The following POC5 variants were observed in gnomAD, a reference collection of about 807,000 sequenced individuals.
POC5 encodes the protein POC5 centriolar protein.
Under a neutral mutation model 62.9 loss-of-function variants are expected in POC5, and 48 were observed. The observed-to-expected ratio is 0.76, with a 90% CI of 0.61 to 0.97. POC5 has a LOEUF of 0.97. POC5 is among the 50% of genes least tolerant of loss of function. POC5 has a pLI of 0.00. For missense variants in POC5, 696 were observed against 679.5 expected, an observed-to-expected ratio of 1.02 and a Z score of -0.27; for synonymous variants, 236 against 228.2, an observed-to-expected ratio of 1.03 and a Z score of -0.31.
Position 75,702,640 on chromosome 5 carries a change from C to T in POC5, c.478G>A (p.Glu160Lys). 1.2e-6 allele frequency: 2 copies of T among 1,613,312 alleles called. No individual in the cohort carries two copies. The highest frequency in any genetic ancestry group is 1.7e-6 in the Non-Finnish European group (2 of 1,179,680). Residue 160 changes from glutamate to lysine, a missense_variant, in exon 5 of 12, where the codon GAA becomes AAA. By Grantham distance (56) the Glu-to-Lys change is moderately conservative. Coordinates refer to ENST00000428202, the MANE Select transcript of POC5 (RefSeq NM_001099271.2). ...GAACTCCAAAGATCAAGCACATTTT[C>T]CATCTTCTGAAGGTTTTCATCAGAA... ...LVSDENLQKM[E>K]NVLDLWSSGL...
rs371890962 is a variant in POC5, at chr5:75,674,468, G to T, written c.1695C>A (p.Leu565=). ...CCACTTTTATGGAATGAACACTTGT[G>T]AGAGACTGGGTGTGAGCTGATCTGG... ...LGTRSAHTQS[L]TSVHSIKVVD The change falls in exon 12 of 12, where the codon CTC becomes CTA. Residue 565 remains leucine, a synonymous_variant. Transcript: ENST00000428202. 7 of 1,614,014 alleles carry T rather than the reference G, an allele frequency of 4.3e-6. No individual in the cohort carries two copies. The highest frequency in any genetic ancestry group is 5.9e-6 in the Non-Finnish European group (7 of 1,179,872).
chr5:75,695,614 A>G (rs999624727), intron 5 of POC5, among the ~76,000 whole-genome samples: 2 of 152,302 alleles, frequency 1.3e-5, no homozygotes, highest in African/African-American at 2.4e-5. Context: ...TTCTCAAATT[A>G]TATGTTTCAG....
At chr5:75,681,813 CAAGA>C (rs1350242392) in intron 10 of POC5, among the ~76,000 whole-genome samples, 2 of 151,978 alleles carry the variant, frequency 1.3e-5, no homozygotes, top group Non-Finnish European at 2.9e-5. Context: ...ATTAAAATGA[CAAGA>C]AAGATAACCA....
At chr5:75,705,362 C>T (rs558857789) in intron 4 of POC5, 12 of 165,862 alleles carry the variant, frequency 7.2e-5, no homozygotes, top group African/African-American at 2.8e-4. Context: ...TACACTGGTA[C>T]GCAAATGCCT....
At chr5:75,696,931 G>T (rs984361503) in intron 5 of POC5, among the ~76,000 whole-genome samples, 1 of 151,850 alleles carries the variant, frequency 6.6e-6, no homozygotes, top group Admixed American at 6.6e-5. Flanking sequence ...GAGCTGATGC[G>T]ATCAACTGGA....
chr5:75,684,998 G>C (rs988910472), intron 10 of POC5, among the ~76,000 whole-genome samples: 24 of 151,848 alleles, frequency 1.6e-4, no homozygotes, highest in Non-Finnish European at 2.9e-4. Context: ...CTCCTGAGTA[G>C]CTGGGACTAC....
chr5:75,685,049 A>T (rs1776041863), intron 10 of POC5, among the ~76,000 whole-genome samples, 158 bp downstream of exon 10: 2 of 151,892 alleles, frequency 1.3e-5, no homozygotes, highest in African/African-American at 4.8e-5. Context: ...TCGTATTTTT[A>T]GTAGAGACGG....
chr5:75,702,333 A>G (rs999318939), intron 5 of POC5, among the ~76,000 whole-genome samples: 4 of 152,080 alleles, frequency 2.6e-5, no homozygotes, highest in African/African-American at 9.7e-5. Flanking sequence ...GTAAAATCAA[A>G]CAAACAAACA....
At chr5:75,705,078 T>C (rs139628936) in intron 4 of POC5, among the ~76,000 whole-genome samples, 44 of 152,212 alleles carry the variant, frequency 2.9e-4, no homozygotes, top group Middle Eastern at 3.4e-3. Flanking sequence ...CATGTGCCTG[T>C]AGTCCCAGCT....
chr5:75,685,927 A>G (rs1776082007), intron 9 of POC5, among the ~76,000 whole-genome samples: 1 of 152,004 alleles, frequency 6.6e-6, no homozygotes, highest in Non-Finnish European at 1.5e-5. Flanking sequence ...TGATATCACT[A>G]TACTCCCTCA....
chr5:75,707,740 G>T lies in POC5; in HGVS notation c.220C>A (p.Gln74Lys). Reference sequence around the variant, plus strand: ...TATCTTGAAAAATATATATAACCTTGACTATGAAGAATATCATGAATTGTA... The same window carrying T: ...TATCTTGAAAAATATATATAACCTTTACTATGAAGAATATCATGAATTGTA... ...ISTIHDILHS[Q>K]GNNSEVRETA... The change falls in exon 3 of 12, where the codon CAA becomes AAA. Residue 74 changes from glutamine (Q) to lysine (K), a missense_variant. Transcript: ENST00000428202. The T allele has an allele frequency of 6.5e-7, 1 of 1,530,406 alleles. No homozygotes were observed. The highest frequency in any genetic ancestry group is 8.9e-7 in the Non-Finnish European group (1 of 1,128,084). The allele number at this position is 1,530,406 out of a possible 1,614,324, so 94.8% of individuals were successfully genotyped here. A position where few individuals can be genotyped will look rare whatever the true frequency, so the allele number is the denominator to read the frequency against.
chr5:75,688,996 T>G lies in POC5; in HGVS notation c.1129+16A>C. 6.5e-7 allele frequency: 1 copy of G among 1,528,558 alleles called. No homozygotes were observed. The allele number at this position is 1,528,558 out of a possible 1,614,324, so 94.7% of individuals were successfully genotyped here. A position where few individuals can be genotyped will look rare whatever the true frequency, so the allele number is the denominator to read the frequency against. ...TTTTTTGAAATTAGGCAGAGAAACT[T>G]TAATGAAATACTAACCTGCATCATT... On this transcript the variant is annotated intron_variant, in intron 9 of 11. Transcript: ENST00000428202.
intron 7 of POC5, 91 bp from the exon 8 acceptor site, chr5:75,690,653 A>C (rs992543192): frequency 9.7e-7 from 1 of 1,026,664 alleles, no homozygotes; most frequent in Non-Finnish European, 1.4e-6. Context: ...GTAAGTGTAC[A>C]TATACACATT....
At chr5:75,678,018 C>T (rs1775738420) in intron 10 of POC5, 68 bp from the exon 11 acceptor site, 1 of 1,276,324 alleles carries the variant, frequency 7.8e-7, no homozygotes, top group Non-Finnish European at 1.0e-6. Flanking sequence ...CTATTGATTC[C>T]ATAAATTATG....
intron 5 of POC5, among the ~76,000 whole-genome samples, chr5:75,695,656 A>AT (rs1197544483): frequency 6.6e-6 from 1 of 152,154 alleles, no homozygotes; most frequent in Non-Finnish European, 1.5e-5. Flanking sequence ...TTTTTTAATA[A>AT]TAGCAAAAAA....
chr5:75,689,153 A>G lies in POC5; in HGVS notation c.988T>C (p.Leu330=). 1 of 1,554,184 alleles carries G rather than the reference A, an allele frequency of 6.4e-7. No individual in the cohort carries two copies. The highest frequency in any genetic ancestry group is 8.7e-7 in the Non-Finnish European group (1 of 1,149,578). The change falls in exon 9 of 12, where the codon TTG becomes CTG. Residue 330 remains leucine (L), a synonymous_variant. Coordinates refer to ENST00000428202, the MANE Select transcript of POC5 (RefSeq NM_001099271.2). ...TGAATCTCAGCTTTTGCATTTTCCA[A>G]AGCTCCAGATAACTAAAATAAGAAT... ...EAKVAMLSGA[L]ENAKAEIQRM...
intron 5 of POC5, 82 bp from the exon 6 acceptor site, chr5:75,694,913 A>C: frequency 2.0e-6 from 2 of 1,019,802 alleles, no homozygotes; most frequent in Non-Finnish European, 2.8e-6. Flanking sequence ...AAGAAACATT[A>C]AAAAAATCAG....
intron 2 of POC5, 121 bp from the exon 3 acceptor site, chr5:75,707,996 A>G: frequency 1.1e-6 from 1 of 871,782 alleles, no homozygotes; most frequent in Admixed American, 3.1e-5. Context: ...TTATATTACA[A>G]AGTTTTACCA....
intron 2 of POC5, among the ~76,000 whole-genome samples, chr5:75,710,432 A>C (rs1243462022): frequency 1.3e-5 from 2 of 152,170 alleles, no homozygotes; most frequent in Admixed American, 1.3e-4. Flanking sequence ...TCAAGAAAGT[A>C]ATTAAGGTTA....
Sources: allele counts gnomAD v4.1 joint callset (sites outside exome capture counted in the v4.1 genomes callset), GRCh38; gene constraint gnomAD v4.1.1; transcripts MANE v1.5; gene names NCBI Gene and HGNC (gene_info 2026-07-23, HGNC 2026-07-21).